The following ODAD2 variants were observed in gnomAD, a reference collection of about 807,000 sequenced individuals.
ODAD2 encodes the protein outer dynein arm-docking complex subunit 2.
ODAD2 carries 89 observed loss-of-function variants against 106.8 expected under a neutral mutation model. The ratio of observed to expected loss-of-function variants is 0.83; its 90% CI spans 0.70 to 0.99. The LOEUF (loss-of-function observed/expected upper bound fraction) is 0.99, where lower values mean the gene tolerates loss of function less well. Ranked by LOEUF, ODAD2 falls within the 50% of genes least tolerant of loss-of-function variation. The probability of loss-of-function intolerance (pLI) is 0.00; values close to 1 mark genes in which losing one functional copy is unlikely to be tolerated. For synonymous variants in ODAD2, 404 were observed against 436.2 expected (o/e 0.93, Z 0.92); for missense variants, 1,168 against 1,238.5 (o/e 0.94, Z 0.85).
intron 19 of ODAD2, among the ~76,000 whole-genome samples, chr10:27,823,990 A>G (rs1388939786): frequency 7.2e-6 from 1 of 137,966 alleles, no homozygotes. Context: ...AATACAAAAA[A>G]TTAGCCGGGC....
At position 27,823,912 on chromosome 10, in the gene ODAD2, G is replaced by A. The variant is rs1391979393; in HGVS notation, c.3022-11287C>T. Among the ~76,000 whole-genome samples the A allele has an allele frequency of 2.8e-5, 4 of 144,898 alleles. 1 individual carries two copies. The highest frequency in any genetic ancestry group is 5.5e-5 in the African/African-American group (2 of 36,414). Reference sequence around the variant, plus strand: ...TCCCAGCACTTTGGGAGGCCGAGGCGGGCGGATCACGAGGTCAGGAGATCG... The same window carrying A: ...TCCCAGCACTTTGGGAGGCCGAGGCAGGCGGATCACGAGGTCAGGAGATCG... On this transcript the variant is annotated intron_variant, in intron 19 of 19. Transcript: ENST00000305242.
In ODAD2 at chr10:27,985,026, T is replaced by C. The variant is rs1341314914; in HGVS notation, c.568A>G (p.Ile190Val). 2 of 1,605,522 alleles carry C rather than the reference T, an allele frequency of 1.2e-6. No individual in the cohort carries two copies. The highest frequency in any genetic ancestry group is 1.7e-6 in the Non-Finnish European group (2 of 1,177,042). The change falls in exon 4 of 20, where the codon ATT becomes GTT. Residue 190 changes from isoleucine to valine, a missense_variant. This residue lies in a region of ODAD2 where 430 missense variants were observed against 452.2 expected (regional missense o/e 0.95). Coordinates refer to ENST00000305242, the MANE Select transcript of ODAD2 (RefSeq NM_018076.5). ...TTTTTGAAAAAGACTCACAATGAAATATGTTTTAGAGAATGATTGAGGAGG... is the reference window on the plus strand; with the variant it reads ...TTTTTGAAAAAGACTCACAATGAAACATGTTTTAGAGAATGATTGAGGAGG... ...LHLLNHSLKH[I>V]SLEISLSPMT...
intron 17 of ODAD2, among the ~76,000 whole-genome samples, chr10:27,864,589 G>C (rs1343277469): frequency 4.0e-5 from 6 of 150,182 alleles, no homozygotes; most frequent in Non-Finnish European, 7.4e-5. Context: ...TGGGGAGTGA[G>C]GTGAGAGTGG....
chr10:27,838,021 T>C (rs550791076), intron 19 of ODAD2, among the ~76,000 whole-genome samples: 6 of 152,342 alleles, frequency 3.9e-5, no homozygotes, highest in African/African-American at 1.4e-4. Flanking sequence ...TCTAAGATTT[T>C]TGTATTTTTT....
chr10:27,985,274 C>CTAATT lies in ODAD2; in HGVS notation c.383-64_383-63insAATTA, dbSNP rs755504651. On this transcript the variant is annotated intron_variant, in intron 3 of 19. Transcript: ENST00000305242. ...TCCACTTGTCTTCTAGTACAACAAA[C>CTAATT]ATTAAGACTAATAAATCCTTCAAAG... is the stretch of plus-strand genomic sequence containing the variant. The CTAATT allele has an allele frequency of 3.0e-3, 3,812 of 1,270,400 alleles. 18 individuals carry two copies. The highest frequency in any genetic ancestry group is 3.7e-3 in the Middle Eastern group (13 of 3,546). 78.7% of individuals were successfully genotyped at this position (1,270,400 alleles called of 1,614,324 possible).
chr10:27,836,903 G>A (rs891382415), intron 19 of ODAD2, among the ~76,000 whole-genome samples: 1 of 152,140 alleles, frequency 6.6e-6, no homozygotes, highest in Non-Finnish European at 1.5e-5. Flanking sequence ...CAAACCTAAA[G>A]AGTATAGCTC....
chr10:27,984,391 T>G, intron 4 of ODAD2, 101 bp from the exon 5 acceptor site: 1 of 814,148 alleles, frequency 1.2e-6, no homozygotes. Flanking sequence ...TTTTTTGTAA[T>G]TAAAATTGCA....
At chr10:27,841,545 G>A (rs954925212) in intron 19 of ODAD2, among the ~76,000 whole-genome samples, 1 of 151,128 alleles carries the variant, frequency 6.6e-6, no homozygotes, top group Admixed American at 6.6e-5. Context: ...ACAGGTGCCC[G>A]CCACCATGCC....
In ODAD2 at chr10:27,812,597, T is replaced by C. The variant is rs764233304; in HGVS notation, c.3050A>G (p.Asp1017Gly). ...KLLLDMVGSP[D>G]QDLQEAAAGC... ...AGCTGCAGCTTCCTGGAGATCCTGG[T>C]CAGGGGACCCAACCATATCCAGTAG... The change falls in exon 20 of 20, where the codon GAC becomes GGC. Residue 1017 changes from aspartate (D) to glycine (G), a missense_variant. Asp to Gly is a moderately conservative substitution (Grantham distance 94). Around this residue, in one of 3 missense-constraint regions of ODAD2, gnomAD observed 701 missense variants for 712.3 expected, o/e 0.98. Coordinates refer to ENST00000305242, the MANE Select transcript of ODAD2 (RefSeq NM_018076.5). 1 of 1,612,618 alleles carries C rather than the reference T, an allele frequency of 6.2e-7. No homozygotes were observed. The highest frequency in any genetic ancestry group is 1.1e-5 in the South Asian group (1 of 90,676).
At chr10:27,923,639 C>A (rs150249772) in intron 16 of ODAD2, among the ~76,000 whole-genome samples, 1 of 152,012 alleles carries the variant, frequency 6.6e-6, no homozygotes, top group Non-Finnish European at 1.5e-5. Flanking sequence ...AAACTCTACA[C>A]TCTGTTGATA....
intron 17 of ODAD2, among the ~76,000 whole-genome samples, chr10:27,866,838 A>G (rs896105796): frequency 1.3e-5 from 2 of 152,018 alleles, no homozygotes; most frequent in Admixed American, 6.6e-5. Context: ...CATGACCCAA[A>G]CTCCTCCCAT....
At chr10:27,936,973 CTTCT>C in intron 14 of ODAD2, 93 bp from the exon 15 acceptor site, 1 of 1,289,730 alleles carries the variant, frequency 7.8e-7, no homozygotes, top group Non-Finnish European at 1.1e-6. Flanking sequence ...AGCTAGGAAA[CTTCT>C]TTCTAGAGAG....
chr10:27,996,148 T>A (rs1278780528), intron 1 of ODAD2, among the ~76,000 whole-genome samples: 4 of 152,246 alleles, frequency 2.6e-5, no homozygotes, highest in African/African-American at 7.2e-5. Context: ...TTTTGGCAGA[T>A]AATCTATACT....
chr10:27,893,423 G>A (rs916257463), intron 17 of ODAD2, among the ~76,000 whole-genome samples: 2 of 152,166 alleles, frequency 1.3e-5, no homozygotes, highest in Admixed American at 6.5e-5. Flanking sequence ...AGACGTGGTA[G>A]GGGCCCTGAA....
At chr10:27,904,379 G>C (rs1843433529) in intron 17 of ODAD2, 1 of 190,456 alleles carries the variant, frequency 5.3e-6, no homozygotes, top group African/African-American at 2.3e-5. Flanking sequence ...AGGAGGCTGA[G>C]GCATGAGAAT....
chr10:27,972,883 G>A (rs1187533214), intron 7 of ODAD2, among the ~76,000 whole-genome samples: 4 of 152,004 alleles, frequency 2.6e-5, no homozygotes, highest in Admixed American at 2.0e-4. Context: ...GAAGATATGA[G>A]CAACACAATC....
chr10:27,926,774 T>A (rs1845287631), intron 16 of ODAD2, among the ~76,000 whole-genome samples: 1 of 152,156 alleles, frequency 6.6e-6, no homozygotes, highest in Admixed American at 6.6e-5. Context: ...TTTTTTTAGT[T>A]GTTTGACATT....
At chr10:27,947,993 T>C (rs1236296870) in intron 10 of ODAD2, among the ~76,000 whole-genome samples, 1 of 152,252 alleles carries the variant, frequency 6.6e-6, no homozygotes, top group Non-Finnish European at 1.5e-5. Flanking sequence ...TCTAGACAAC[T>C]TCCACATCTT....
At chr10:27,831,369 C>T (rs1374177635) in intron 19 of ODAD2, among the ~76,000 whole-genome samples, 1 of 152,150 alleles carries the variant, frequency 6.6e-6, no homozygotes, top group African/African-American at 2.4e-5. Flanking sequence ...GGCAGAGGGG[C>T]TAGAGAACCT....
Sources: allele counts gnomAD v4.1 joint callset (sites outside exome capture counted in the v4.1 genomes callset), GRCh38; gene constraint gnomAD v4.1.1; regional missense constraint gnomAD v4.1.1; transcripts MANE v1.5; gene names NCBI Gene and HGNC (gene_info 2026-07-23, HGNC 2026-07-21).